Variants in FSTL4 observed in about 807,000 individuals in gnomAD.
The protein encoded by FSTL4 is follistatin like 4.
In FSTL4, 28 loss-of-function variants were observed where a neutral mutation model predicts 78.2. The observed-to-expected ratio is 0.36, with a 90% CI of 0.27 to 0.49. The LOEUF is 0.49. Ranked by LOEUF, FSTL4 falls within the 20% of genes least tolerant of loss-of-function variation. The pLI, the probability that FSTL4 is intolerant of heterozygous loss-of-function variation, is 0.98. For synonymous variants in FSTL4, 422 were observed against 440.5 expected (o/e 0.96, Z 0.53); for missense variants, 922 against 1,084.9 (o/e 0.85, Z 2.11).
the FSTL4 span, among the ~76,000 whole-genome samples, chr5:133,620,225 T>G: frequency 2.6e-5 from 4 of 152,236 alleles, no homozygotes; most frequent in African/African-American, 9.6e-5. Flanking sequence ...ACTGCCATTT[T>G]ATTTATATAT....
At chr5:133,671,019 C>G in the FSTL4 span, among the ~76,000 whole-genome samples, 1 of 152,074 alleles carries the variant, frequency 6.6e-6, no homozygotes, top group Non-Finnish European at 1.5e-5. Context: ...TGATGTTGTA[C>G]CAGTTCCAAG....
rs529373696 is a variant in FSTL4, at chr5:133,524,106, G to A, written c.160+43080C>T. On this transcript the variant is annotated intron_variant, in intron 3 of 15. Transcript: ENST00000265342. ...TCAGGGAGAGGGGACAGCACAGCAT[G>A]TGCACAGGCCCAGGGTGGGAGCAGG... Among the ~76,000 whole-genome samples, 5 of 152,328 alleles carry A rather than the reference G, an allele frequency of 3.3e-5. No homozygotes were observed. The South Asian group carries it at 8.3e-4, about 25-fold the overall frequency.
intron 14 of FSTL4, among the ~76,000 whole-genome samples, chr5:133,202,279 T>C (rs78993514): frequency 7.9e-5 from 12 of 152,262 alleles, no homozygotes; most frequent in African/African-American, 2.9e-4. Context: ...ATTGCCCGAA[T>C]TGCTTCTGCC....
chr5:133,728,486 T>C, the FSTL4 span, among the ~76,000 whole-genome samples: 1 of 152,194 alleles, frequency 6.6e-6, no homozygotes, highest in Non-Finnish European at 1.5e-5. Context: ...TCCATCCACC[T>C]TTATCACTGG....
At chr5:133,749,719 T>C in the FSTL4 span, among the ~76,000 whole-genome samples, 1 of 152,194 alleles carries the variant, frequency 6.6e-6, no homozygotes, top group Non-Finnish European at 1.5e-5. Flanking sequence ...ACCAGCCTTG[T>C]AGCATGTATC....
intron 3 of FSTL4, among the ~76,000 whole-genome samples, chr5:133,471,130 T>C (rs1451760810): frequency 6.6e-6 from 1 of 152,246 alleles, no homozygotes; most frequent in African/African-American, 2.4e-5. Flanking sequence ...AGGACATTAA[T>C]GTTATTTTGT....
At chr5:133,795,171 G>T in the FSTL4 span, among the ~76,000 whole-genome samples, 28 of 152,224 alleles carry the variant, frequency 1.8e-4, no homozygotes, top group African/African-American at 6.5e-4. Context: ...CCCCAGGTGA[G>T]CTTTATTTGG....
intron 3 of FSTL4, among the ~76,000 whole-genome samples, chr5:133,518,724 G>A (rs769828879): frequency 2.6e-5 from 4 of 152,166 alleles, no homozygotes; most frequent in Non-Finnish European, 5.9e-5. Flanking sequence ...CCGTGCATAG[G>A]AAAAAGCTTG....
chr5:133,561,947 A>G (rs1432762102), intron 3 of FSTL4, among the ~76,000 whole-genome samples: 4 of 152,210 alleles, frequency 2.6e-5, no homozygotes, highest in Non-Finnish European at 4.4e-5. Context: ...AAGGCAACGC[A>G]ACCCAGAAAG....
At chr5:133,374,624 A>G (rs1369271657) in intron 4 of FSTL4, among the ~76,000 whole-genome samples, 2 of 152,158 alleles carry the variant, frequency 1.3e-5, no homozygotes, top group African/African-American at 2.4e-5. Context: ...CAATGTGATG[A>G]TACTTGGAGG....
intron 3 of FSTL4, among the ~76,000 whole-genome samples, chr5:133,521,899 T>C (rs1036808151): frequency 2.0e-5 from 3 of 152,080 alleles, no homozygotes; most frequent in Admixed American, 6.5e-5. Flanking sequence ...TGCCTCCAGG[T>C]AGATGGATTT....
At chr5:133,467,203 AGT>A (rs995912264) in intron 3 of FSTL4, among the ~76,000 whole-genome samples, 44 of 147,406 alleles carry the variant, frequency 3.0e-4, no homozygotes, top group African/African-American at 9.9e-4. Context: ...TGAGTATATG[AGT>A]GTGTGAGTAT....
chr5:133,723,158 A>G, the FSTL4 span, among the ~76,000 whole-genome samples: 1 of 152,146 alleles, frequency 6.6e-6, no homozygotes, highest in African/African-American at 2.4e-5. Context: ...TGTGATGTAC[A>G]GTTTTACTTT....
At chr5:133,418,118 C>T (rs1756616322) in intron 3 of FSTL4, among the ~76,000 whole-genome samples, 1 of 151,172 alleles carries the variant, frequency 6.6e-6, no homozygotes, top group Non-Finnish European at 1.5e-5. Context: ...GAAAAGACAT[C>T]ACTAAACTAG....
the FSTL4 span, among the ~76,000 whole-genome samples, chr5:133,727,339 T>TA: frequency 3.6e-4 from 53 of 145,672 alleles, no homozygotes; most frequent in Admixed American, 6.1e-4. Context: ...AGTTTAAACT[T>TA]AAAAAAAAAA....
At chr5:133,750,615 T>C in the FSTL4 span, among the ~76,000 whole-genome samples, 1 of 152,046 alleles carries the variant, frequency 6.6e-6, no homozygotes, top group Non-Finnish European at 1.5e-5. Flanking sequence ...AACAAGTCCC[T>C]AGAGTGGGTA....
At chr5:133,343,928 T>G (rs73788062) in intron 4 of FSTL4, among the ~76,000 whole-genome samples, 2,049 of 152,370 alleles carry the variant, frequency 0.013, 37 homozygotes, top group African/African-American at 0.047. Context: ...TGAACTGCTT[T>G]AATCATTTCT....
intron 3 of FSTL4, among the ~76,000 whole-genome samples, chr5:133,557,645 A>T (rs1759817026): frequency 6.6e-6 from 1 of 152,194 alleles, no homozygotes. Context: ...TCTGTCTTCC[A>T]CTGGACCTGG....
At chr5:133,292,750 C>T (rs1406570525) in intron 6 of FSTL4, among the ~76,000 whole-genome samples, 1 of 151,462 alleles carries the variant, frequency 6.6e-6, no homozygotes, top group Non-Finnish European at 1.5e-5. Flanking sequence ...AAAAAAAATC[C>T]TCACAAGGGA....
Sources: gnomAD v4.1 joint callset for allele counts (sites outside exome capture counted in the v4.1 genomes callset) on GRCh38, gnomAD v4.1.1 for gene constraint, MANE v1.5 for transcripts, NCBI Gene and HGNC (gene_info 2026-07-23, HGNC 2026-07-21) for gene names.